Variants in VPS13D observed in about 807,000 individuals in gnomAD.
VPS13D encodes vacuolar protein sorting 13 homolog D, also known as intermembrane lipid transfer protein VPS13D.
A neutral mutation model predicts 461.9 loss-of-function variants in VPS13D; 187 were observed. The ratio of observed to expected loss-of-function variants is 0.40; its 90% confidence interval spans 0.36 to 0.46. The LOEUF (loss-of-function observed/expected upper bound fraction) is 0.46. Among genes scored for constraint, VPS13D ranks in the 20% least tolerant of loss-of-function variants. The pLI, the probability that VPS13D is intolerant of heterozygous loss-of-function variation, is 0.60. For missense variants in VPS13D, 4,711 were observed against 5,364.9 expected, an observed-to-expected ratio of 0.88 and a Z score of 3.81; for synonymous variants, 1,951 against 1,986.3, an observed-to-expected ratio of 0.98 and a Z score of 0.47.
chr1:12,343,166 C>G, intron 42 of VPS13D, 115 bp downstream of exon 42: 5 of 869,672 alleles, frequency 5.7e-6, no homozygotes, highest in Non-Finnish European at 7.7e-6. Flanking sequence ...TTTATTTTAT[C>G]TTATCTTATT....
intron 38 of VPS13D, among the ~76,000 whole-genome samples, chr1:12,334,038 A>G (rs1285978088): frequency 1.3e-5 from 2 of 152,220 alleles, no homozygotes; most frequent in Admixed American, 6.5e-5. Flanking sequence ...TGGAATTACT[A>G]TACTTTATCT....
In VPS13D at chr1:12,432,094, G is replaced by T. The variant is rs553510735; in HGVS notation, c.12333+15267G>T. On this transcript the variant is annotated intron_variant, in intron 65 of 69. Coordinates refer to ENST00000620676, the MANE Select transcript of VPS13D (RefSeq NM_015378.4). ...TGTCATCGGGTTCTTTCTAAAGGCT[G>T]TGTGAAAGAAAAGAGCAAGCCAGGT... Among the ~76,000 whole-genome samples the T allele has an allele frequency of 7.2e-5, 11 of 152,240 alleles. No homozygotes were observed. In the South Asian group the frequency reaches 2.3e-3, roughly 32 times the overall value.
rs544819132 is a variant in VPS13D at position 12,435,718 on chromosome 1, G to T, written c.12333+18891G>T. 4.6e-5 allele frequency among the ~76,000 whole-genome samples: 7 copies of T among 151,546 alleles called. No individual in the cohort carries two copies. The East Asian group carries it at 1.2e-3, about 25-fold the overall frequency. ...CAGTGCAAAAGCAGCACTCTATCTAGTAGGCTTCATTCTCGAACCTCTCTG... is the reference window on the plus strand; with the variant it reads ...CAGTGCAAAAGCAGCACTCTATCTATTAGGCTTCATTCTCGAACCTCTCTG... On this transcript the variant is annotated intron_variant, in intron 65 of 69. Coordinates refer to ENST00000620676, the MANE Select transcript of VPS13D (RefSeq NM_015378.4).
chr1:12,294,124 G>A (rs913044925), intron 24 of VPS13D, among the ~76,000 whole-genome samples: 2 of 152,192 alleles, frequency 1.3e-5, no homozygotes, highest in Non-Finnish European at 2.9e-5. Flanking sequence ...ACACCTAATG[G>A]TATTTCCGTT....
Position 12,314,333 on chromosome 1 carries a change from A to G in VPS13D, c.7148+6A>G. The G allele has an allele frequency of 3.1e-6, 5 of 1,610,690 alleles. No individual in the cohort carries two copies. The highest frequency in any genetic ancestry group is 1.1e-5 in the South Asian group (1 of 90,986). On this transcript the variant is annotated splice_donor_region_variant and intron_variant, in intron 30 of 69. Coordinates refer to ENST00000620676, the MANE Select transcript of VPS13D (RefSeq NM_015378.4). ...CAGATTGAACTACATTTCAGGTAGC[A>G]GGTCCAGACCCTTCTCTGCCTTTCT... is the stretch of plus-strand genomic sequence containing the variant.
intron 57 of VPS13D, among the ~76,000 whole-genome samples, chr1:12,380,531 T>C (rs1193543147): frequency 6.6e-6 from 1 of 152,262 alleles, no homozygotes; most frequent in Non-Finnish European, 1.5e-5. Context: ...AATATGTGTT[T>C]GGCAAATTAC....
intron 65 of VPS13D, among the ~76,000 whole-genome samples, chr1:12,449,166 G>A (rs967833743): frequency 3.3e-5 from 5 of 151,598 alleles, no homozygotes; most frequent in Non-Finnish European, 7.4e-5. Flanking sequence ...ATTGGCTTAG[G>A]CATATTACTG....
chr1:12,362,750 AC>A lies in VPS13D; in HGVS notation c.10173del (p.Tyr3391Ter). The A allele has an allele frequency of 6.2e-7, 1 of 1,614,216 alleles. No homozygotes were observed. The highest frequency in any genetic ancestry group is 8.5e-7 in the Non-Finnish European group (1 of 1,180,020). On this transcript the variant is annotated frameshift_variant, in exon 51 of 70. Transcript: ENST00000620676. LOFTEE classifies it high-confidence loss of function. The part of the protein sequence containing the change: ...GIDVKKGRGR[Y>X]IDTCMVIFAP... ...GATGTCAAGAAAGGCCGAGGTCGAT[AC>A]ATTGATACCTGCATGGTCATCTTTG...
chr1:12,503,584 A>G (rs1646063300), intron 68 of VPS13D, among the ~76,000 whole-genome samples: 1 of 152,190 alleles, frequency 6.6e-6, no homozygotes, highest in African/African-American at 2.4e-5. Context: ...AAATGTGTCA[A>G]CTGAATACTG....
chr1:12,319,510 G>T lies in VPS13D; in HGVS notation c.7428G>T (p.Val2476=), dbSNP rs1642977422. 6.2e-7 allele frequency: 1 copy of T among 1,614,118 alleles called. No homozygotes were observed. The highest frequency in any genetic ancestry group is 1.3e-5 in the African/African-American group (1 of 75,038). Residue 2476 remains valine, a synonymous_variant, in exon 32 of 70, where the codon GTG becomes GTT. Transcript: ENST00000620676. The stretch of plus-strand genomic sequence containing the variant: ...TGTCCTTTCCAGGTACGGAGTTTGT[G>T]GTCATTGAAGATGTGTCCTGCTTCG... ...VKVNVTGTEF[V]VIEDVSCFDT...
chr1:12,323,756 C>T lies in VPS13D; in HGVS notation c.7966C>T (p.Arg2656Cys), dbSNP rs748646628. The change falls in exon 35 of 70, where the codon CGC becomes TGC. Residue 2656 changes from arginine (R) to cysteine (C), a missense_variant. Coordinates refer to ENST00000620676, the MANE Select transcript of VPS13D (RefSeq NM_015378.4). Reference protein sequence around the residue: ...QELGFSMDDCRKALLACQGQL... With the variant: ...QELGFSMDDCCKALLACQGQL... The stretch of plus-strand genomic sequence containing the variant: ...GCTGGGATTCAGCATGGATGATTGT[C>T]GCAAAGCTCTTTTGGCGTGTCAAGG... 22 of 1,613,876 alleles carry T rather than the reference C, an allele frequency of 1.4e-5. No homozygotes were observed. The highest frequency in any genetic ancestry group is 1.7e-5 in the Admixed American group (1 of 59,982).
Position 12,500,051 on chromosome 1 carries a change from GCTCA to G in VPS13D, c.12794+2423_12794+2426del, listed in dbSNP as rs1646015218. ...TGTTTCCACATTTTTTTCCAGTTAG[GCTCA>G]CTGTTTCACTTCTGGAAAATATTGT... is the stretch of plus-strand genomic sequence containing the variant. On this transcript the variant is annotated intron_variant, in intron 68 of 69. Transcript: ENST00000620676. The G allele has an allele frequency of 4.1e-6, 4 of 985,090 alleles. No homozygotes were observed. The South Asian group carries it at 1.9e-4, about 46-fold the overall frequency. The allele number at this position is 985,090 out of a possible 1,614,324, so 61.0% of individuals were successfully genotyped here.
intron 41 of VPS13D, 27 bp downstream of exon 41, chr1:12,341,912 A>G (rs1404629265): frequency 6.2e-7 from 1 of 1,608,604 alleles, no homozygotes; most frequent in Non-Finnish European, 8.5e-7. Context: ...TATTACCCCG[A>G]GTCATCTCTG....
At chr1:12,267,995 T>C in intron 15 of VPS13D, 75 bp downstream of exon 15, 3 of 1,268,238 alleles carry the variant, frequency 2.4e-6, no homozygotes, top group Middle Eastern at 2.7e-4. Context: ...AGGGCCTCGC[T>C]CTGTCACCCA....
intron 65 of VPS13D, among the ~76,000 whole-genome samples, chr1:12,422,872 G>A (rs986194911): frequency 3.4e-5 from 5 of 148,978 alleles, no homozygotes; most frequent in Non-Finnish European, 7.4e-5. Flanking sequence ...TTTTCTTACA[G>A]GATGTTTTTC....
At position 12,314,306 on chromosome 1, in the gene VPS13D, T is replaced by C; in HGVS notation, c.7127T>C (p.Ile2376Thr). 6.2e-7 allele frequency: 1 copy of C among 1,613,914 alleles called. No homozygotes were observed. The highest frequency in any genetic ancestry group is 1.7e-4 in the Middle Eastern group (1 of 6,034). The part of the protein sequence containing the change: ...AKNSSTTQGS[I>T]QIELHFRSTK... ...AACAGCAGCACCACCCAAGGGTCCA[T>C]TCAGATTGAACTACATTTCAGGTAG... Residue 2376 changes from isoleucine (I) to threonine (T), a missense_variant, in exon 30 of 70, where the codon ATT (isoleucine) becomes ACT (threonine). This residue lies in a region of VPS13D where 4,411 missense variants were observed against 4,937.8 expected (regional missense o/e 0.89). Coordinates refer to ENST00000620676, the MANE Select transcript of VPS13D (RefSeq NM_015378.4).
rs780891582 is a variant in VPS13D, at chr1:12,507,060, G to A, written c.13002G>A (p.Val4334=). 8.7e-6 allele frequency: 14 copies of A among 1,614,142 alleles called. No homozygotes were observed. In the African/African-American group the frequency reaches 1.6e-4, roughly 18 times the overall value. Residue 4334 remains valine, a synonymous_variant, in exon 69 of 70, where the codon GTG becomes GTA. Coordinates refer to ENST00000620676, the MANE Select transcript of VPS13D (RefSeq NM_015378.4). This position sits in a 1 kb window ranked among gnomAD's most constrained non-coding sequence, Gnocchi z 5.3. ...TKKAVSTSSG[V]SIPGPSHQKP... ...AAGCCGTGAGCACGAGCAGTGGAGT[G>A]TCCATCCCCGGCCCCTCCCACCAGA...
intron 65 of VPS13D, among the ~76,000 whole-genome samples, chr1:12,420,873 A>T (rs1644854029): frequency 6.6e-6 from 1 of 152,218 alleles, no homozygotes; most frequent in East Asian, 1.9e-4. Flanking sequence ...GTTAAAAGGA[A>T]TTCATTCTGT....
chr1:12,266,487 A>T (rs1308784421), intron 13 of VPS13D, among the ~76,000 whole-genome samples: 1 of 152,254 alleles, frequency 6.6e-6, no homozygotes, highest in African/African-American at 2.4e-5. Context: ...AAAAGATTAC[A>T]ACTTGCTGAA....
Sources: gnomAD v4.1 joint callset for allele counts (sites outside exome capture counted in the v4.1 genomes callset) on GRCh38, gnomAD v4.1.1 for gene constraint, gnomAD v4.1.1 regional missense constraint, Gnocchi (gnomAD v3.1) non-coding constraint, MANE v1.5 for transcripts, NCBI Gene and HGNC (gene_info 2026-07-23, HGNC 2026-07-21) for gene names.